CEP55: variants seen among roughly 807,000 people sequenced by gnomAD.
CEP55 encodes the protein centrosomal protein of 55 kDa.
CEP55 carries 57 observed loss-of-function variants against 63.2 expected under a neutral mutation model. The ratio of observed to expected loss-of-function variants is 0.90; its 90% CI spans 0.73 to 1.13. The LOEUF (loss-of-function observed/expected upper bound fraction) is 1.13. Ranked by LOEUF, CEP55 falls within the 50% of genes most tolerant of loss-of-function variation. The probability of loss-of-function intolerance (pLI) is 0.00; values close to 1 mark genes in which losing one functional copy is unlikely to be tolerated. For missense variants in CEP55, 456 were observed against 518.9 expected, an observed-to-expected ratio of 0.88 and a Z score of 1.18; for synonymous variants, 178 against 191.6, an observed-to-expected ratio of 0.93 and a Z score of 0.59.
Position 93,503,213 on chromosome 10 carries a change from A to G in CEP55, c.284A>G (p.Tyr95Cys), listed in dbSNP as rs1330251546. The change falls in exon 3 of 9, where the codon TAT becomes TGT. Residue 95 changes from tyrosine (Y) to cysteine (C), a missense_variant. Transcript: ENST00000371485. The part of the protein sequence containing the change: ...QRLRDQLKAR[Y>C]STTTLLEQLE... ...CTGAGAGACCAACTGAAGGCCAGAT[A>G]TAGTACTACCACATTGCTTGAACAG... is the stretch of plus-strand genomic sequence containing the variant. 1 of 1,614,046 alleles carries G rather than the reference A, an allele frequency of 6.2e-7. No homozygotes were observed. Among genetic ancestry groups the G allele is most frequent in the Non-Finnish European group, 8.5e-7 (1 of 1,179,910 alleles).
At chr10:93,521,827 G>A (rs1195746440) in intron 8 of CEP55, among the ~76,000 whole-genome samples, 1 of 152,162 alleles carries the variant, frequency 6.6e-6, no homozygotes, top group Non-Finnish European at 1.5e-5. Flanking sequence ...TGATACCCAG[G>A]CAAACAGGGT....
At chr10:93,502,859 CCTTT>C in intron 2 of CEP55, among the ~76,000 whole-genome samples, 1 of 152,192 alleles carries the variant, frequency 6.6e-6, no homozygotes, top group East Asian at 1.9e-4. Context: ...GGTGGTTTCT[CCTTT>C]CTTTGTGTCT....
chr10:93,520,440 A>AAG (rs2057848996), intron 8 of CEP55, among the ~76,000 whole-genome samples: 2 of 148,396 alleles, frequency 1.3e-5, no homozygotes, highest in South Asian at 4.3e-4. Context: ...AAAAAAAAAA[A>AAG]AAGAAAAAGA....
chr10:93,499,371 T>C (rs1431058018), intron 1 of CEP55, among the ~76,000 whole-genome samples: 1 of 152,200 alleles, frequency 6.6e-6, no homozygotes, highest in Non-Finnish European at 1.5e-5. Flanking sequence ...GGCCAAGATA[T>C]GTCCTTGATT....
Position 93,528,019 on chromosome 10 carries a change from A to G in CEP55, c.1261A>G (p.Lys421Glu). The G allele has an allele frequency of 6.2e-7, 1 of 1,614,102 alleles. No individual in the cohort carries two copies. Among genetic ancestry groups the G allele is most frequent in the South Asian group, 1.1e-5 (1 of 91,078 alleles). Residue 421 changes from lysine to glutamate, a missense_variant, in exon 9 of 9, where the codon AAA becomes GAA. Lys to Glu is a moderately conservative substitution (Grantham distance 56). Transcript: ENST00000371485. Reference protein sequence around the residue: ...TFQGETENREKVAASPKSPTA... With the variant: ...TFQGETENREEVAASPKSPTA... ...CCAAGGAGAGACTGAAAACAGAGAA[A>G]AAGTTGCCGCCTCACCAAAAAGTCC...
At chr10:93,501,420 G>A (rs1158611864) in intron 2 of CEP55, among the ~76,000 whole-genome samples, 3 of 152,282 alleles carry the variant, frequency 2.0e-5, no homozygotes, top group Admixed American at 2.0e-4. Flanking sequence ...CGGGCACGGT[G>A]GCTCATGCCT....
chr10:93,517,714 GTTATGCTCATAGCC>G (rs2057818903), intron 6 of CEP55, among the ~76,000 whole-genome samples: 1 of 152,230 alleles, frequency 6.6e-6, no homozygotes, highest in South Asian at 2.1e-4. Context: ...CCATGTTCTT[GTTATGCTCATAGCC>G]TTATGCTATG....
chr10:93,513,426 C>T (rs1301554387), intron 4 of CEP55, among the ~76,000 whole-genome samples: 1 of 151,948 alleles, frequency 6.6e-6, no homozygotes. Context: ...GGATATGGGA[C>T]TCAATCAATG....
At chr10:93,514,018 C>T (rs1164183362) in intron 4 of CEP55, among the ~76,000 whole-genome samples, 2 of 150,182 alleles carry the variant, frequency 1.3e-5, no homozygotes, top group African/African-American at 4.9e-5. Flanking sequence ...AATCTTGGCT[C>T]ACTGCAACCT....
rs962189814 is a variant in CEP55, at chr10:93,519,040, A to C, written c.1065+92A>C. 9 of 876,928 alleles carry C rather than the reference A, an allele frequency of 1.0e-5. 1 individual carries two copies. Among genetic ancestry groups the C allele is most frequent in the Admixed American group, 6.7e-5 (3 of 45,080 alleles). The allele number at this position is 876,928 out of a possible 1,614,324, so 54.3% of individuals were successfully genotyped here. A position where few individuals can be genotyped will look rare whatever the true frequency, so the allele number is the denominator to read the frequency against. ...ATGCTGTTCTATGGAGAACTGTTTG[A>C]AAGTTGTGAAAAGTGTCTTTAAAAG... is the stretch of plus-strand genomic sequence containing the variant. On this transcript the variant is annotated intron_variant, in intron 7 of 8. Transcript: ENST00000371485.
At chr10:93,524,083 T>C (rs533566424) in intron 8 of CEP55, among the ~76,000 whole-genome samples, 34 of 152,074 alleles carry the variant, frequency 2.2e-4, no homozygotes, top group African/African-American at 8.2e-4. Flanking sequence ...AAGAAATAAC[T>C]AAGATCAGAG....
At chr10:93,514,866 G>A (rs754408215) in intron 4 of CEP55, among the ~76,000 whole-genome samples, 91 of 152,120 alleles carry the variant, frequency 6.0e-4, no homozygotes, top group Non-Finnish European at 1.0e-3. Context: ...TCCACCTCCC[G>A]GGTTCAAGTG....
chr10:93,516,813 C>T (rs1364476280), intron 5 of CEP55, 122 bp from the exon 6 acceptor site: 1 of 699,154 alleles, frequency 1.4e-6, no homozygotes, highest in Admixed American at 3.2e-5. Flanking sequence ...GTCCCTATCT[C>T]TTGACTTTTC....
chr10:93,503,434 A>G (rs202122177), intron 3 of CEP55, 46 bp downstream of exon 3: 1 of 1,543,312 alleles, frequency 6.5e-7, no homozygotes. Context: ...TCTTTCTGAT[A>G]CAGTTTGTAA....
At chr10:93,509,837 G>C (rs2057726292) in intron 4 of CEP55, among the ~76,000 whole-genome samples, 1 of 152,128 alleles carries the variant, frequency 6.6e-6, no homozygotes, top group African/African-American at 2.4e-5. Context: ...TTTCCCTTTG[G>C]AATTTCAGCA....
intron 6 of CEP55, among the ~76,000 whole-genome samples, chr10:93,518,039 T>C (rs1485456230): frequency 1.3e-5 from 2 of 152,252 alleles, no homozygotes; most frequent in African/African-American, 4.8e-5. Context: ...AGGTAAATGC[T>C]AGTTATTGCT....
In CEP55 at chr10:93,506,906, A is replaced by T. The variant is rs1261907404; in HGVS notation, c.460-82A>T. On this transcript the variant is annotated intron_variant, in intron 3 of 8. Coordinates refer to ENST00000371485, the MANE Select transcript of CEP55 (RefSeq NM_018131.5). Reference sequence around the variant, plus strand: ...GGATTTCGGGATGCCCCCGTGAGTTATACTGTATTATTATGGTGAATGTAA... The same window carrying T: ...GGATTTCGGGATGCCCCCGTGAGTTTTACTGTATTATTATGGTGAATGTAA... 6 of 904,816 alleles carry T rather than the reference A, an allele frequency of 6.6e-6. No individual in the cohort carries two copies. In the South Asian group the frequency reaches 7.8e-5, roughly 12 times the overall value. The allele number at this position is 904,816 out of a possible 1,614,324, so 56.0% of individuals were successfully genotyped here.
intron 5 of CEP55, among the ~76,000 whole-genome samples, chr10:93,516,624 T>C (rs2057805989): frequency 6.6e-6 from 1 of 152,242 alleles, no homozygotes; most frequent in Non-Finnish European, 1.5e-5. Flanking sequence ...ATTTTTAATT[T>C]TGATAGTTAT....
intron 3 of CEP55, among the ~76,000 whole-genome samples, chr10:93,504,062 GT>G (rs1420536003): frequency 6.6e-6 from 1 of 151,890 alleles, no homozygotes. Context: ...ATGTAAATAT[GT>G]ATGTAAATTG....
Sources: gnomAD v4.1 joint callset for allele counts (sites outside exome capture counted in the v4.1 genomes callset) on GRCh38, gnomAD v4.1.1 for gene constraint, MANE v1.5 for transcripts, NCBI Gene and HGNC (gene_info 2026-07-23, HGNC 2026-07-21) for gene names.